The following LYPLA1 variants were observed in gnomAD, a reference collection of about 807,000 sequenced individuals.
LYPLA1 encodes acyl-protein thioesterase 1.
A neutral mutation model predicts 34.0 loss-of-function variants in LYPLA1; 17 were observed. That is an observed-to-expected ratio of 0.50 (90% CI 0.34 to 0.75). LYPLA1 has a LOEUF of 0.75. Among genes scored for constraint, LYPLA1 ranks in the 30% least tolerant of loss-of-function variants. The pLI is 0.01. For missense variants in LYPLA1, 203 were observed against 288.8 expected, an observed-to-expected ratio of 0.70 and a Z score of 2.15; for synonymous variants, 98 against 100.8, an observed-to-expected ratio of 0.97 and a Z score of 0.17.
chr8:54,050,253 C>T (rs372940826), intron 8 of LYPLA1, among the ~76,000 whole-genome samples: 14 of 152,272 alleles, frequency 9.2e-5, no homozygotes, highest in East Asian at 5.8e-4. Context: ...CTGTTTCTTG[C>T]ACCTACTTTT....
intron 2 of LYPLA1, among the ~76,000 whole-genome samples, chr8:54,097,387 G>C (rs528440541): frequency 6.6e-6 from 1 of 152,232 alleles, no homozygotes; most frequent in Admixed American, 6.5e-5. Context: ...TCAATGTCGT[G>C]AAAGACAAAA....
chr8:54,073,000 A>G (rs1300546975), intron 2 of LYPLA1: 1 of 401,600 alleles, frequency 2.5e-6, no homozygotes, highest in African/African-American at 2.1e-5. Context: ...CAAGATCATT[A>G]ATGATTAGAG....
At chr8:54,100,290 A>C (rs566759591) in intron 2 of LYPLA1, 1 of 152,652 alleles carries the variant, frequency 6.6e-6, no homozygotes, top group Admixed American at 6.5e-5. Flanking sequence ...TCAAAGCTGC[A>C]GTGAGCTAAG....
At position 54,073,316 on chromosome 8, in the gene LYPLA1, G is replaced by A. The variant is rs552821149; in HGVS notation, c.102-7503C>T. On this transcript the variant is annotated intron_variant, in intron 2 of 8. Transcript: ENST00000316963. ...GCCTGCCCCCTCTCCTTCTATGGAC[G>A]GAACTGTGAGCATGATGTGTGCAAA... The A allele has an allele frequency of 1.2e-4, 108 of 865,592 alleles. No individual in the cohort carries two copies. In the African/African-American group the frequency reaches 1.5e-3, roughly 12 times the overall value. 53.6% of individuals were successfully genotyped at this position (865,592 alleles called of 1,614,324 possible).
At chr8:54,066,764 G>C (rs894431236) in intron 2 of LYPLA1, among the ~76,000 whole-genome samples, 1 of 151,072 alleles carries the variant, frequency 6.6e-6, no homozygotes, top group African/African-American at 2.4e-5. Context: ...CTGGGCAACA[G>C]AGCGAGACTC....
intron 2 of LYPLA1, among the ~76,000 whole-genome samples, chr8:54,081,126 T>G (rs960303668): frequency 3.9e-5 from 6 of 152,088 alleles, no homozygotes; most frequent in Non-Finnish European, 7.4e-5. Flanking sequence ...TTTCTACCCC[T>G]GTCTGGAGTA....
chr8:54,084,297 G>A lies in LYPLA1; in HGVS notation c.101+16611C>T, dbSNP rs150582536. Among the ~76,000 whole-genome samples, 788 of 148,668 alleles carry A rather than the reference G, an allele frequency of 5.3e-3. 10 individuals are homozygous for A. Among genetic ancestry groups the A allele is most frequent in the African/African-American group, 0.019 (753 of 40,062 alleles). ...GGAAATAAATGCAACAGAGGCCGGC[G>A]CGGTGGCTCACGCCTGTATTCCCAG... is the stretch of plus-strand genomic sequence containing the variant. On this transcript the variant is annotated intron_variant, in intron 2 of 8. Coordinates refer to ENST00000316963, the MANE Select transcript of LYPLA1 (RefSeq NM_006330.4).
At chr8:54,095,372 C>A (rs912730995) in intron 2 of LYPLA1, among the ~76,000 whole-genome samples, 1 of 152,054 alleles carries the variant, frequency 6.6e-6, no homozygotes, top group Non-Finnish European at 1.5e-5. Context: ...TCGGCAACTA[C>A]CACAACAATA....
At chr8:54,061,229 C>A (rs1003945999) in intron 5 of LYPLA1, among the ~76,000 whole-genome samples, 1 of 151,848 alleles carries the variant, frequency 6.6e-6, no homozygotes, top group Admixed American at 6.6e-5. Context: ...TACAGGCGTG[C>A]GTGACCACGC....
intron 2 of LYPLA1, among the ~76,000 whole-genome samples, chr8:54,074,709 A>G (rs1807761855): frequency 6.6e-6 from 1 of 152,258 alleles, no homozygotes; most frequent in East Asian, 1.9e-4. Flanking sequence ...ACCAAATGGT[A>G]CAGTCCTCAT....
chr8:54,069,590 A>G (rs1807319850), intron 2 of LYPLA1, among the ~76,000 whole-genome samples: 1 of 152,064 alleles, frequency 6.6e-6, no homozygotes, highest in Non-Finnish European at 1.5e-5. Context: ...GCGCACCTGT[A>G]GTCCCAGCTA....
intron 2 of LYPLA1, 68 bp downstream of exon 2, chr8:54,100,840 T>C: frequency 1.6e-6 from 2 of 1,283,950 alleles, no homozygotes; most frequent in Admixed American, 1.7e-5. Flanking sequence ...ATTAAACCTT[T>C]GAACGCGTAA....
intron 1 of LYPLA1, chr8:54,101,508 T>C (rs780981825): frequency 3.5e-6 from 4 of 1,128,162 alleles, no homozygotes; most frequent in Non-Finnish European, 3.3e-6. Flanking sequence ...CCCGCGGGGG[T>C]CCCGGGGCCA....
At chr8:54,072,868 T>TA (rs1041635492) in intron 2 of LYPLA1, among the ~76,000 whole-genome samples, 4 of 147,766 alleles carry the variant, frequency 2.7e-5, no homozygotes, top group African/African-American at 1.0e-4. Flanking sequence ...TAGTCCCAGC[T>TA]ACTCAGGAGG....
At chr8:54,050,017 G>C (rs1004073230) in intron 8 of LYPLA1, among the ~76,000 whole-genome samples, 3 of 151,998 alleles carry the variant, frequency 2.0e-5, no homozygotes, top group African/African-American at 7.3e-5. Context: ...TTTCTCATTA[G>C]GCTAAACTGT....
chr8:54,086,956 G>A (rs1440510008), intron 2 of LYPLA1, among the ~76,000 whole-genome samples: 4 of 152,152 alleles, frequency 2.6e-5, no homozygotes, highest in African/African-American at 9.7e-5. Context: ...ATGACCAGGA[G>A]AGATCTTCCC....
rs554945579 is a variant in LYPLA1 at position 54,058,735 on chromosome 8, C to T, written c.286+3519G>A. 3.3e-5 allele frequency among the ~76,000 whole-genome samples: 5 copies of T among 151,802 alleles called. No homozygotes were observed. The East Asian group carries it at 5.8e-4, about 18-fold the overall frequency. ...AGGGGGCCACAGACATGCGCCACCA[C>T]GCCCAGCTAATTTTGTTTTTTTTTT... On this transcript the variant is annotated intron_variant, in intron 5 of 8. Transcript: ENST00000316963.
intron 2 of LYPLA1, among the ~76,000 whole-genome samples, chr8:54,095,463 G>A (rs1235393637): frequency 6.6e-6 from 1 of 151,548 alleles, no homozygotes; most frequent in African/African-American, 2.4e-5. Flanking sequence ...ATAATATCAA[G>A]GTATCTCCCC....
rs1810181646 is a variant in LYPLA1 at position 54,101,780 on chromosome 8, G to A, written c.44C>T (p.Pro15Leu). 1 of 1,297,538 alleles carries A rather than the reference G, an allele frequency of 7.7e-7. No homozygotes were observed. Among genetic ancestry groups the A allele is most frequent in the Non-Finnish European group, 9.9e-7 (1 of 1,014,848 alleles). The allele number at this position is 1,297,538 out of a possible 1,614,324, so 80.4% of individuals were successfully genotyped here. The change falls in exon 1 of 9, where the codon CCC becomes CTC. Residue 15 changes from proline (P) to leucine (L), a missense_variant. Pro to Leu is a moderately conservative substitution (Grantham distance 98). This residue lies in a region of LYPLA1 where 75 missense variants were observed against 73.5 expected (regional missense o/e 1.02). Coordinates refer to ENST00000316963, the MANE Select transcript of LYPLA1 (RefSeq NM_006330.4). ...NMSTPLPAIVPAARKATAAVI... is the reference protein window; with the variant it reads ...NMSTPLPAIVLAARKATAAVI... Reference sequence around the variant, plus strand: ...CGCAGCGGTGGCCTTCCGGGCGGCGGGCACGATGGCGGGCAGCGGGGTTGA... The same window carrying A: ...CGCAGCGGTGGCCTTCCGGGCGGCGAGCACGATGGCGGGCAGCGGGGTTGA...
Sources: gnomAD v4.1 joint callset for allele counts (sites outside exome capture counted in the v4.1 genomes callset) on GRCh38, gnomAD v4.1.1 for gene constraint, gnomAD v4.1.1 regional missense constraint, MANE v1.5 for transcripts, NCBI Gene and HGNC (gene_info 2026-07-23, HGNC 2026-07-21) for gene names.